LHFPL6: variants seen among roughly 807,000 people sequenced by gnomAD.
LHFPL6 encodes LHFPL tetraspan subfamily member 6 protein.
LHFPL6 carries 9 observed loss-of-function variants against 20.6 expected under a neutral mutation model. The observed-to-expected ratio is 0.44, with a 90% CI of 0.26 to 0.76. The LOEUF (loss-of-function observed/expected upper bound fraction) is 0.76, where lower values mean the gene tolerates loss of function less well. Among genes scored for constraint, LHFPL6 ranks in the 30% least tolerant of loss-of-function variants. The pLI is 0.20. For missense variants in LHFPL6, 218 were observed against 253.5 expected, an observed-to-expected ratio of 0.86 and a Z score of 0.95; for synonymous variants, 105 against 98.7, an observed-to-expected ratio of 1.06 and a Z score of -0.38.
At chr13:39,502,462 TTA>T (rs1869324584) in intron 2 of LHFPL6, among the ~76,000 whole-genome samples, 1 of 11,878 alleles carries the variant, frequency 8.4e-5, no homozygotes. Context: ...CTACAAAAAA[TTA>T]AAAAAAAAAA....
At chr13:39,565,769 T>C (rs1871694292) in intron 2 of LHFPL6, among the ~76,000 whole-genome samples, 1 of 152,206 alleles carries the variant, frequency 6.6e-6, no homozygotes, top group Non-Finnish European at 1.5e-5. Flanking sequence ...GAATTATCAC[T>C]CTGAAGCAAG....
chr13:39,469,207 C>T (rs897780065), intron 2 of LHFPL6, among the ~76,000 whole-genome samples: 7 of 152,182 alleles, frequency 4.6e-5, no homozygotes, highest in African/African-American at 9.6e-5. Flanking sequence ...CCACCTCTCT[C>T]GCACACGGGT....
intron 2 of LHFPL6, among the ~76,000 whole-genome samples, chr13:39,485,958 C>T (rs896654873): frequency 1.4e-4 from 22 of 152,104 alleles, no homozygotes; most frequent in Non-Finnish European, 5.9e-5. Context: ...ATCCTTTCAG[C>T]AACCTCCAAG....
At chr13:39,527,285 A>G (rs1226830550) in intron 2 of LHFPL6, among the ~76,000 whole-genome samples, 1 of 152,116 alleles carries the variant, frequency 6.6e-6, no homozygotes, top group African/African-American at 2.4e-5. Flanking sequence ...TTTCACATAC[A>G]TCCCTGAGAA....
intron 2 of LHFPL6, among the ~76,000 whole-genome samples, chr13:39,589,353 C>T (rs1427889772): frequency 2.6e-5 from 4 of 152,160 alleles, no homozygotes; most frequent in Non-Finnish European, 5.9e-5. Context: ...GATCTGCCCA[C>T]CTCGGCCTCC....
At chr13:39,526,700 C>T (rs896078501) in intron 2 of LHFPL6, among the ~76,000 whole-genome samples, 1 of 152,212 alleles carries the variant, frequency 6.6e-6, no homozygotes, top group Non-Finnish European at 1.5e-5. Flanking sequence ...AAGATTCATT[C>T]ATCCTGCCGC....
chr13:39,551,033 T>C (rs932142115), intron 2 of LHFPL6, among the ~76,000 whole-genome samples: 2 of 152,178 alleles, frequency 1.3e-5, no homozygotes, highest in African/African-American at 4.8e-5. Flanking sequence ...GGGCTAGTTC[T>C]GTGCTTTCTA....
At chr13:39,423,775 G>A (rs1221474582) in intron 2 of LHFPL6, among the ~76,000 whole-genome samples, 2 of 152,206 alleles carry the variant, frequency 1.3e-5, no homozygotes. Flanking sequence ...TAGTGCCAGG[G>A]CACACTGGAC....
At position 39,343,400 on chromosome 13, in the gene LHFPL6, C is replaced by G. The variant is rs1041038938; in HGVS notation, c.*536G>C. The stretch of plus-strand genomic sequence containing the variant: ...ACCTCCCAGTCTGTGCGATAATCCA[C>G]GTTTGTGCATAGGCGTGTGTGGGGA... On this transcript the variant is annotated 3_prime_UTR_variant, in exon 4 of 4. Coordinates refer to ENST00000379589, the MANE Select transcript of LHFPL6 (RefSeq NM_005780.3). 1 of 231,794 alleles carries G rather than the reference C, an allele frequency of 4.3e-6. No homozygotes were observed. Among genetic ancestry groups the G allele is most frequent in the African/African-American group, 2.2e-5 (1 of 45,328 alleles). The allele number at this position is 231,794 out of a possible 1,614,324, so 14.4% of individuals were successfully genotyped here.
chr13:39,421,198 T>C (rs1054500096), intron 2 of LHFPL6, among the ~76,000 whole-genome samples: 1 of 152,186 alleles, frequency 6.6e-6, no homozygotes, highest in African/African-American at 2.4e-5. Flanking sequence ...AGGCAAAAGA[T>C]TGAAAGTAAA....
chr13:39,590,669 T>G (rs1173902723), intron 2 of LHFPL6, among the ~76,000 whole-genome samples: 1 of 152,212 alleles, frequency 6.6e-6, no homozygotes, highest in Non-Finnish European at 1.5e-5. Flanking sequence ...TGTATGCATC[T>G]CACGATATTT....
chr13:39,508,018 G>T (rs2138471057), intron 2 of LHFPL6, among the ~76,000 whole-genome samples: 2 of 124,160 alleles, frequency 1.6e-5, no homozygotes, highest in South Asian at 2.8e-4. Flanking sequence ...TTATTAAGTT[G>T]TAATTTACTT....
At chr13:39,532,406 T>G (rs984972657) in intron 2 of LHFPL6, among the ~76,000 whole-genome samples, 18 of 152,154 alleles carry the variant, frequency 1.2e-4, no homozygotes, top group African/African-American at 4.3e-4. Context: ...TGTATCACTA[T>G]TTTTTCCAGT....
At chr13:39,561,623 T>C (rs952556867) in intron 2 of LHFPL6, among the ~76,000 whole-genome samples, 37 of 152,226 alleles carry the variant, frequency 2.4e-4, no homozygotes, top group African/African-American at 8.9e-4. Flanking sequence ...CCGCCATGTC[T>C]GCTTTGTTTG....
chr13:39,383,999 C>A (rs1870502920), intron 2 of LHFPL6, among the ~76,000 whole-genome samples: 1 of 152,142 alleles, frequency 6.6e-6, no homozygotes, highest in African/African-American at 2.4e-5. Flanking sequence ...TTTCTCAGAC[C>A]TCTTAGTAGG....
rs768272806 is a variant in LHFPL6 at position 39,361,548 on chromosome 13, C to T, written c.484+16880G>A. On this transcript the variant is annotated intron_variant, in intron 3 of 3. Coordinates refer to ENST00000379589, the MANE Select transcript of LHFPL6 (RefSeq NM_005780.3). The stretch of plus-strand genomic sequence containing the variant: ...GGCCAGGATGGTCTCGATCTCTTGA[C>T]CTTGTGATCCACCCACCTCAGCCTC... Among the ~76,000 whole-genome samples, 14 of 152,252 alleles carry T rather than the reference C, an allele frequency of 9.2e-5. No individual in the cohort carries two copies. In the Middle Eastern group the frequency reaches 0.01, roughly 111 times the overall value.
At chr13:39,571,293 G>A (rs954680477) in intron 2 of LHFPL6, among the ~76,000 whole-genome samples, 7 of 152,162 alleles carry the variant, frequency 4.6e-5, no homozygotes, top group African/African-American at 9.7e-5. Flanking sequence ...TGTTCGATGC[G>A]CTTTCCTCTT....
At chr13:39,518,775 CT>C (rs1173480019) in intron 2 of LHFPL6, among the ~76,000 whole-genome samples, 1 of 152,190 alleles carries the variant, frequency 6.6e-6, no homozygotes, top group Non-Finnish European at 1.5e-5. Context: ...CGCCATCCCC[CT>C]GCCATGATTT....
At chr13:39,493,041 A>C (rs1373354115) in intron 2 of LHFPL6, among the ~76,000 whole-genome samples, 1 of 152,066 alleles carries the variant, frequency 6.6e-6, no homozygotes, top group Non-Finnish European at 1.5e-5. Context: ...AATATGCCCT[A>C]ATTTCTATAA....
Sources: gnomAD v4.1 joint callset for allele counts (sites outside exome capture counted in the v4.1 genomes callset) on GRCh38, gnomAD v4.1.1 for gene constraint, MANE v1.5 for transcripts, NCBI Gene and HGNC (gene_info 2026-07-23, HGNC 2026-07-21) for gene names.